Variants in PCGF3 observed in about 807,000 individuals in gnomAD.
PCGF3 encodes polycomb group RING finger protein 3.
Under a neutral mutation model 33.1 loss-of-function variants are expected in PCGF3, and 7 were observed. The ratio of observed to expected loss-of-function variants is 0.21; its 90% CI spans 0.12 to 0.40. The LOEUF (loss-of-function observed/expected upper bound fraction) is 0.40, where lower values mean the gene tolerates loss of function less well. Among genes scored for constraint, PCGF3 ranks in the 10% least tolerant of loss-of-function variants. The pLI is 1.00. For synonymous variants in PCGF3, 153 were observed against 121.3 expected, an observed-to-expected ratio of 1.26 and a Z score of -1.72; for missense variants, 211 against 313.3, an observed-to-expected ratio of 0.67 and a Z score of 2.46.
At chr4:750,139 G>C (rs146334420) in intron 8 of PCGF3, among the ~76,000 whole-genome samples, 2 of 152,350 alleles carry the variant, frequency 1.3e-5, no homozygotes, top group East Asian at 3.9e-4. Flanking sequence ...TGTGTTTCCT[G>C]TGTGCTCCTG....
rs1460895411 is a variant in PCGF3 at position 721,914 on chromosome 4, G to A, written c.-189-8716G>A. On this transcript the variant is annotated intron_variant, in intron 1 of 10. Coordinates refer to ENST00000362003, the Ensembl canonical transcript of PCGF3. This position sits in a 1 kb window ranked among gnomAD's most constrained non-coding sequence, Gnocchi z 4.1. Reference sequence around the variant, plus strand: ...CGTGTGGGCGTGGAGAGAGGCCTGTGGGAGGTGGGTGGACATGTGTCGCTG... The same window carrying A: ...CGTGTGGGCGTGGAGAGAGGCCTGTAGGAGGTGGGTGGACATGTGTCGCTG... Among the ~76,000 whole-genome samples, 1 of 150,148 alleles carries A rather than the reference G, an allele frequency of 6.7e-6. No homozygotes were observed. Among genetic ancestry groups the A allele is most frequent in the Non-Finnish European group, 1.5e-5 (1 of 67,914 alleles).
intron 8 of PCGF3, among the ~76,000 whole-genome samples, 198 bp from the exon 9 acceptor site, chr4:761,081 G>A (rs1560218795): frequency 6.6e-6 from 1 of 152,190 alleles, no homozygotes; most frequent in African/African-American, 2.4e-5. Context: ...TTCACAAAAT[G>A]GCAAGCAGAC....
At position 708,570 on chromosome 4, in the gene PCGF3, C is replaced by A. The variant is rs144955133; in HGVS notation, c.-190+2600C>A. ...GGTATGAGGCAGGGGCCTCAGGGTT[C>A]CAGGAGCTCCCAGCCCACAGGCTCC... On this transcript the variant is annotated intron_variant, in intron 1 of 10. Coordinates refer to ENST00000362003, the Ensembl canonical transcript of PCGF3. Among the ~76,000 whole-genome samples the A allele has an allele frequency of 1.4e-4, 21 of 152,250 alleles. No homozygotes were observed. In the East Asian group the frequency reaches 3.7e-3, roughly 27 times the overall value.
At chr4:761,517 T>C in intron 9 of PCGF3, 101 bp downstream of exon 9, 2 of 1,441,666 alleles carry the variant, frequency 1.4e-6, no homozygotes, top group Non-Finnish European at 9.3e-7. Flanking sequence ...TTTAACAATT[T>C]TGGAGATTTT....
chr4:741,573 AT>A (rs1318459378), intron 6 of PCGF3, among the ~76,000 whole-genome samples: 1 of 151,856 alleles, frequency 6.6e-6, no homozygotes, highest in African/African-American at 2.4e-5. Flanking sequence ...TGCCTGGCTA[AT>A]TTTTTGTATT....
chr4:761,268 C>A lies in PCGF3; in HGVS notation c.463-11C>A, dbSNP rs147938573. 1.3e-6 allele frequency: 2 copies of A among 1,573,820 alleles called. No individual in the cohort carries two copies. The highest frequency in any genetic ancestry group is 1.8e-5 in the Admixed American group (1 of 54,516). ...CTCCTGCTGCGCTCTCACCAGCGTC[C>A]TTTCCCGCAGGTGAGCATCTGCCTG... On this transcript the variant is annotated splice_polypyrimidine_tract_variant and intron_variant, in intron 8 of 10. Coordinates refer to ENST00000362003, the Ensembl canonical transcript of PCGF3.
At chr4:735,580 G>T (rs1031677928) in intron 5 of PCGF3, among the ~76,000 whole-genome samples, 1 of 152,182 alleles carries the variant, frequency 6.6e-6, no homozygotes, top group Non-Finnish European at 1.5e-5. Context: ...AAGTTAAATT[G>T]TTGGAGAGCC....
At chr4:716,700 C>T (rs1354690956) in intron 1 of PCGF3, among the ~76,000 whole-genome samples, 1 of 123,140 alleles carries the variant, frequency 8.1e-6, no homozygotes, top group African/African-American at 3.2e-5. Flanking sequence ...AACTGGGCGT[C>T]GGTGCTGGGA....
At chr4:748,374 A>G (rs1488418138) in intron 8 of PCGF3, among the ~76,000 whole-genome samples, 1 of 151,928 alleles carries the variant, frequency 6.6e-6, no homozygotes, top group Admixed American at 6.6e-5. Context: ...TAACTTTTGT[A>G]TTTTTAGTAG....
intron 8 of PCGF3, chr4:757,384 C>T (rs1744814443): frequency 6.6e-6 from 1 of 152,264 alleles, no homozygotes; most frequent in Non-Finnish European, 1.5e-5. Context: ...CTTATAGAGA[C>T]GTGAAGCCCA....
At chr4:761,957 T>C (rs1745085032) in intron 9 of PCGF3, 1 of 985,164 alleles carries the variant, frequency 1.0e-6, no homozygotes, top group Admixed American at 6.2e-5. Context: ...GGAGCATGGG[T>C]CTGGTGTCGT....
At chr4:734,674 C>T in intron 4 of PCGF3, 1 of 1,305,018 alleles carries the variant, frequency 7.7e-7, no homozygotes, top group South Asian at 2.0e-5. Flanking sequence ...TCTCCCCATT[C>T]TAAGTTTTTT....
rs983908957 is a variant in PCGF3, at chr4:718,015, C to T, written c.-190+12045C>T. ...AGAGGCGAGGGTGCTGTGTGGGTGC[C>T]GCGTGTCCTTCAAGGCACAGCAGAT... On this transcript the variant is annotated intron_variant, in intron 1 of 10. Coordinates refer to ENST00000362003, the Ensembl canonical transcript of PCGF3. Among the ~76,000 whole-genome samples, 5 of 152,186 alleles carry T rather than the reference C, an allele frequency of 3.3e-5. No individual in the cohort carries two copies. In the East Asian group the frequency reaches 5.8e-4, roughly 18 times the overall value.
At chr4:713,517 G>C (rs931655160) in intron 1 of PCGF3, among the ~76,000 whole-genome samples, 1 of 130,990 alleles carries the variant, frequency 7.6e-6, no homozygotes, top group Non-Finnish European at 1.6e-5. Context: ...TGTGGGTCCT[G>C]TGTGGCCTCA....
chr4:738,587 C>T (rs1000999684), intron 6 of PCGF3, among the ~76,000 whole-genome samples: 2 of 151,488 alleles, frequency 1.3e-5, no homozygotes, highest in Non-Finnish European at 2.9e-5. Flanking sequence ...CAGTGGCTCA[C>T]GCCTGTAATC....
At chr4:708,884 C>G (rs952091361) in intron 1 of PCGF3, among the ~76,000 whole-genome samples, 1 of 152,188 alleles carries the variant, frequency 6.6e-6, no homozygotes, top group South Asian at 2.1e-4. Context: ...TTCCCACTCC[C>G]TCTCTAGTAA....
chr4:762,060 G>A (rs1410989057), intron 9 of PCGF3: 28 of 985,276 alleles, frequency 2.8e-5, no homozygotes, highest in South Asian at 4.7e-5. Flanking sequence ...GGGCGGTCAG[G>A]GTGGAGAAGT....
intron 10 of PCGF3, 34 bp from the exon 11 acceptor site, chr4:765,998 C>T (rs753179282): frequency 1.2e-6 from 2 of 1,609,504 alleles, no homozygotes; most frequent in South Asian, 1.1e-5. Flanking sequence ...TCCACCCCTG[C>T]TAAGCAGGCA....
intron 8 of PCGF3, among the ~76,000 whole-genome samples, chr4:756,322 C>G (rs751237069): frequency 6.6e-6 from 1 of 151,782 alleles, no homozygotes; most frequent in East Asian, 1.9e-4. Context: ...AAGTGAGTCT[C>G]CCACCTCCGC....
Sources: gnomAD v4.1 joint callset for allele counts (sites outside exome capture counted in the v4.1 genomes callset) on GRCh38, gnomAD v4.1.1 for gene constraint, Gnocchi (gnomAD v3.1) non-coding constraint, MANE v1.5 for transcripts, NCBI Gene and HGNC (gene_info 2026-07-23, HGNC 2026-07-21) for gene names.